The following NEDD4L variants were observed in gnomAD, a reference collection of about 807,000 sequenced individuals.
NEDD4L encodes NEDD4 like E3 ubiquitin protein ligase, also known as E3 ubiquitin-protein ligase NEDD4-like.
In NEDD4L, 54 loss-of-function variants were observed where a neutral mutation model predicts 148.9. That is an observed-to-expected ratio of 0.36 (90% CI 0.29 to 0.45). The LOEUF is 0.45. Among genes scored for constraint, NEDD4L ranks in the 20% least tolerant of loss-of-function variants. The pLI is 1.00. For missense variants in NEDD4L, 856 were observed against 1,233.8 expected, an observed-to-expected ratio of 0.69 and a Z score of 4.59; for synonymous variants, 433 against 440.7, an observed-to-expected ratio of 0.98 and a Z score of 0.22.
chr18:58,094,574 G>A (rs985584375), intron 1 of NEDD4L, among the ~76,000 whole-genome samples: 1 of 151,508 alleles, frequency 6.6e-6, no homozygotes, highest in Admixed American at 6.6e-5. Flanking sequence ...ACTGTGCTCT[G>A]GCCATTTCCT....
intron 5 of NEDD4L, among the ~76,000 whole-genome samples, chr18:58,260,284 T>C: frequency 6.6e-6 from 1 of 152,262 alleles, no homozygotes; most frequent in East Asian, 1.9e-4. Context: ...CTCTCATGTA[T>C]AGTAATGCTC....
At chr18:58,081,212 CTTTTTT>C (rs34446805) in intron 1 of NEDD4L, among the ~76,000 whole-genome samples, 1 of 120,862 alleles carries the variant, frequency 8.3e-6, no homozygotes, top group Admixed American at 8.1e-5. Flanking sequence ...GAACACCACC[CTTTTTT>C]TTTTTTTTTT....
intron 2 of NEDD4L, among the ~76,000 whole-genome samples, chr18:58,224,205 T>G (rs2044097875): frequency 6.6e-6 from 1 of 152,232 alleles, no homozygotes; most frequent in Non-Finnish European, 1.5e-5. Flanking sequence ...GAGGATCACA[T>G]GCAATTATAA....
chr18:58,131,023 G>A lies in NEDD4L; in HGVS notation c.49-34765G>A, dbSNP rs12960340. 5.8e-4 allele frequency among the ~76,000 whole-genome samples: 74 copies of A among 126,738 alleles called. 1 individual carries two copies. The highest frequency in any genetic ancestry group is 2.0e-3 in the African/African-American group (66 of 32,570). The allele number at this position is 126,738 out of a possible 152,430, so 83.1% of individuals were successfully genotyped here. On this transcript the variant is annotated intron_variant, in intron 1 of 30. Coordinates refer to ENST00000400345, the MANE Select transcript of NEDD4L (RefSeq NM_001144967.3). The stretch of plus-strand genomic sequence containing the variant: ...GACTGTGATCTAGCAGAACAGTGGC[G>A]GTGTTGGGCTCTGTTGGGGTTTGGC...
chr18:58,086,002 T>C (rs931377417), intron 1 of NEDD4L, among the ~76,000 whole-genome samples: 12 of 152,222 alleles, frequency 7.9e-5, no homozygotes, highest in Admixed American at 7.9e-4. Context: ...TTTTACTTTG[T>C]TTTTAACCAT....
chr18:58,121,029 A>G (rs2086209516), intron 1 of NEDD4L, among the ~76,000 whole-genome samples: 1 of 152,198 alleles, frequency 6.6e-6, no homozygotes, highest in Non-Finnish European at 1.5e-5. Flanking sequence ...TTCAACAGAT[A>G]TTTGTTAAAA....
At chr18:58,340,375 C>G (rs1171001689) in intron 13 of NEDD4L, among the ~76,000 whole-genome samples, 3 of 152,196 alleles carry the variant, frequency 2.0e-5, no homozygotes, top group Non-Finnish European at 4.4e-5. Flanking sequence ...AAGAAACACA[C>G]TCCTATCAGC....
intron 1 of NEDD4L, among the ~76,000 whole-genome samples, chr18:58,089,874 C>G (rs2083969987): frequency 6.9e-6 from 1 of 144,790 alleles, no homozygotes; most frequent in Non-Finnish European, 1.5e-5. Flanking sequence ...GAGTCTTACT[C>G]TGTTTCCCAG....
chr18:58,260,694 C>A (rs1362424492), intron 5 of NEDD4L, among the ~76,000 whole-genome samples: 1 of 152,162 alleles, frequency 6.6e-6, no homozygotes, highest in Non-Finnish European at 1.5e-5. Context: ...TGTATATTTG[C>A]ACAATTAAAA....
intron 3 of NEDD4L, among the ~76,000 whole-genome samples, 152 bp downstream of exon 3, chr18:58,245,660 G>C (rs1193402316): frequency 6.7e-6 from 1 of 148,894 alleles, no homozygotes; most frequent in Admixed American, 6.7e-5. Context: ...ATATACAAGT[G>C]CATCACTTTT....
chr18:58,108,403 C>T (rs542949091), intron 1 of NEDD4L, among the ~76,000 whole-genome samples: 13 of 152,144 alleles, frequency 8.5e-5, no homozygotes, highest in Non-Finnish European at 1.6e-4. Context: ...TAATTTTATA[C>T]TGTTATTATT....
rs779369888 is a variant in NEDD4L at position 58,054,526 on chromosome 18, G to C, written c.48+9818G>C. 2.6e-5 allele frequency among the ~76,000 whole-genome samples: 4 copies of C among 152,132 alleles called. 1 individual carries two copies. The highest frequency in any genetic ancestry group is 5.9e-5 in the Non-Finnish European group (4 of 68,030). Reference sequence around the variant, plus strand: ...GGTGGAAAGATAATTTGAGCACCGGGGTTCAGGAATGCGCTGAGTAATGAT... The same window carrying C: ...GGTGGAAAGATAATTTGAGCACCGGCGTTCAGGAATGCGCTGAGTAATGAT... On this transcript the variant is annotated intron_variant, in intron 1 of 30. Coordinates refer to ENST00000400345, the MANE Select transcript of NEDD4L (RefSeq NM_001144967.3).
chr18:58,076,693 G>A (rs993750720), intron 1 of NEDD4L, among the ~76,000 whole-genome samples: 7 of 152,068 alleles, frequency 4.6e-5, no homozygotes, highest in African/African-American at 1.7e-4. Flanking sequence ...TGTTTCAGTG[G>A]TTTTCAGATC....
At chr18:58,085,473 G>C (rs1398872119) in intron 1 of NEDD4L, among the ~76,000 whole-genome samples, 2 of 152,198 alleles carry the variant, frequency 1.3e-5, no homozygotes, top group African/African-American at 4.8e-5. Flanking sequence ...GAGGAGGGAA[G>C]AGGCTGAGGG....
In NEDD4L at chr18:58,366,874, C is replaced by A. The variant is rs952158602; in HGVS notation, c.2063+646C>A. Reference sequence around the variant, plus strand: ...TTGCTGAAGGGCATTTGTCATCACTCCAGCCCTGGGCTCTAAGGGGACGTG... The same window carrying A: ...TTGCTGAAGGGCATTTGTCATCACTACAGCCCTGGGCTCTAAGGGGACGTG... On this transcript the variant is annotated intron_variant, in intron 21 of 30. Coordinates refer to ENST00000400345, the MANE Select transcript of NEDD4L (RefSeq NM_001144967.3). This position sits in a 1 kb window ranked among gnomAD's most constrained non-coding sequence, Gnocchi z 4.2. Among the ~76,000 whole-genome samples, 21 of 152,212 alleles carry A rather than the reference C, an allele frequency of 1.4e-4. No individual in the cohort carries two copies. The highest frequency in any genetic ancestry group is 4.8e-4 in the African/African-American group (20 of 41,466).
intron 18 of NEDD4L, among the ~76,000 whole-genome samples, chr18:58,353,667 T>G (rs1323175495): frequency 6.6e-6 from 1 of 152,250 alleles, no homozygotes; most frequent in Non-Finnish European, 1.5e-5. Flanking sequence ...TTTATCAGGC[T>G]GACACATACA....
chr18:58,285,325 G>GT (rs1256358189), intron 5 of NEDD4L, among the ~76,000 whole-genome samples: 10 of 151,918 alleles, frequency 6.6e-5, no homozygotes, highest in African/African-American at 1.5e-4. Flanking sequence ...ATGTGTGTGT[G>GT]GGTGTGTGTG....
At chr18:58,278,211 C>A (rs1165329360) in intron 5 of NEDD4L, among the ~76,000 whole-genome samples, 1 of 152,176 alleles carries the variant, frequency 6.6e-6, no homozygotes, top group African/African-American at 2.4e-5. Context: ...GAAATGCATG[C>A]CTTTCGCAAT....
chr18:58,373,340 C>T (rs552168338), intron 24 of NEDD4L, 71 bp downstream of exon 24: 1 of 856,230 alleles, frequency 1.2e-6, no homozygotes, highest in East Asian at 2.7e-5. Flanking sequence ...CGGGCTGTAA[C>T]ACAACTTTGC....
Sources: allele counts gnomAD v4.1 joint callset (sites outside exome capture counted in the v4.1 genomes callset), GRCh38; gene constraint gnomAD v4.1.1; non-coding constraint Gnocchi (gnomAD v3.1); transcripts MANE v1.5; gene names NCBI Gene and HGNC (gene_info 2026-07-23, HGNC 2026-07-21).